Variants in LIN9 observed in about 807,000 individuals in gnomAD.
LIN9 encodes the protein lin-9 DREAM MuvB core complex component.
In LIN9, 18 loss-of-function variants were observed where a neutral mutation model predicts 78.0. The observed-to-expected ratio is 0.23, with a 90% CI of 0.16 to 0.34. The LOEUF (loss-of-function observed/expected upper bound fraction) is 0.34. Among genes scored for constraint, LIN9 ranks in the 10% least tolerant of loss-of-function variants. LIN9 has a pLI of 1.00. For synonymous variants in LIN9, 192 were observed against 215.2 expected (o/e 0.89, Z 0.94); for missense variants, 451 against 644.1 (o/e 0.70, Z 3.25).
chr1:226,266,389 T>C (rs1659908499), intron 8 of LIN9, 57 bp from the exon 9 acceptor site: 4 of 1,462,348 alleles, frequency 2.7e-6, no homozygotes, highest in South Asian at 1.3e-5. Context: ...ATTTAAGCTT[T>C]ATAATCATTG....
In LIN9 at chr1:226,264,165, G is replaced by A. The variant is rs546502850; in HGVS notation, c.1038+1368C>T. On this transcript the variant is annotated intron_variant, in intron 10 of 14. Coordinates refer to ENST00000681046, the MANE Select transcript of LIN9 (RefSeq NM_001366245.2). ...TGGGAGGCCGAGGGCGATCATGTGA[G>A]GTCAGGAGTTTGAGACCAGCCTGGC... 4.0e-5 allele frequency among the ~76,000 whole-genome samples: 6 copies of A among 151,822 alleles called. 1 individual carries two copies. The South Asian group carries it at 1.0e-3, about 26-fold the overall frequency.
intron 4 of LIN9, among the ~76,000 whole-genome samples, chr1:226,294,247 G>A (rs1168649790): frequency 6.8e-6 from 1 of 146,242 alleles, no homozygotes; most frequent in African/African-American, 2.6e-5. Flanking sequence ...GGCAGAGATT[G>A]CAGTGAGCCA....
At chr1:226,285,773 G>A (rs1189326894) in intron 6 of LIN9, among the ~76,000 whole-genome samples, 1 of 152,106 alleles carries the variant, frequency 6.6e-6, no homozygotes, top group Non-Finnish European at 1.5e-5. Context: ...GAAGGCTCCT[G>A]AGATTATAAA....
intron 4 of LIN9, among the ~76,000 whole-genome samples, chr1:226,294,933 G>A (rs1662046856): frequency 6.6e-6 from 1 of 151,678 alleles, no homozygotes; most frequent in Non-Finnish European, 1.5e-5. Context: ...TCAAGTAGCT[G>A]AGATTACAGG....
At chr1:226,262,382 C>T (rs1048026952) in intron 10 of LIN9, among the ~76,000 whole-genome samples, 2 of 151,980 alleles carry the variant, frequency 1.3e-5, no homozygotes, top group African/African-American at 4.8e-5. Context: ...AATATACATC[C>T]GATAAGGAAC....
intron 11 of LIN9, 108 bp from the exon 12 acceptor site, chr1:226,239,204 T>C (rs1657938882): frequency 1.8e-6 from 2 of 1,109,922 alleles, no homozygotes; most frequent in Admixed American, 4.8e-5. Flanking sequence ...CTAAAGGTTA[T>C]TAAATTTGTC....
At chr1:226,308,780 G>A (rs1409875423) in intron 1 of LIN9, 2 of 184,782 alleles carry the variant, frequency 1.1e-5, no homozygotes, top group Non-Finnish European at 2.2e-5. Context: ...GACAGCCCCC[G>A]CGCCCAGGGG....
Position 226,233,428 on chromosome 1 carries a change from A to G in LIN9, c.1341T>C (p.Asn447=). The G allele has an allele frequency of 1.2e-6, 2 of 1,614,136 alleles. No individual in the cohort carries two copies. Among genetic ancestry groups the G allele is most frequent in the South Asian group, 2.2e-5 (2 of 91,076 alleles). The change falls in exon 13 of 15, where the codon AAT becomes AAC. Residue 447 remains asparagine (N), a synonymous_variant. Transcript: ENST00000681046. ...EEAQEIVRHA[N]SSTGQPCVEN... ...CAACGCAGGGCTGTCCTGTTGAGGAATTTGCATGCCGAACAATTTCCTGTG... is the reference window on the plus strand; with the variant it reads ...CAACGCAGGGCTGTCCTGTTGAGGAGTTTGCATGCCGAACAATTTCCTGTG...
intron 1 of LIN9, 21 bp downstream of exon 1, chr1:226,309,088 G>A (rs755018747): frequency 1.4e-5 from 19 of 1,310,952 alleles, no homozygotes; most frequent in African/African-American, 1.5e-5. Context: ...AAAGGGGGGG[G>A]TGCTTTGAGG....
intron 4 of LIN9, 80 bp downstream of exon 4, chr1:226,295,762 G>A: frequency 1.2e-6 from 1 of 832,620 alleles, no homozygotes; most frequent in Non-Finnish European, 1.9e-6. Flanking sequence ...TACTCAAAAT[G>A]TAACAGAAAT....
chr1:226,239,532 G>C (rs1456060588), intron 11 of LIN9, among the ~76,000 whole-genome samples: 2 of 152,178 alleles, frequency 1.3e-5, no homozygotes, highest in African/African-American at 2.4e-5. Flanking sequence ...GTGGGTATTA[G>C]AATCAGATTA....
At chr1:226,261,397 G>GA (rs1024747140) in intron 10 of LIN9, among the ~76,000 whole-genome samples, 235 of 137,402 alleles carry the variant, frequency 1.7e-3, no homozygotes, top group Middle Eastern at 3.7e-3. Flanking sequence ...AAAGAAATGA[G>GA]AAAAAAAAAA....
chr1:226,279,015 G>A (rs1660863387), intron 6 of LIN9, among the ~76,000 whole-genome samples: 1 of 151,218 alleles, frequency 6.6e-6, no homozygotes, highest in South Asian at 2.1e-4. Flanking sequence ...CAAAAAATTA[G>A]CAGGGCATGG....
chr1:226,308,983 G>T, intron 1 of LIN9, 126 bp downstream of exon 1: 1 of 927,240 alleles, frequency 1.1e-6, no homozygotes, highest in Non-Finnish European at 1.4e-6. Context: ...AGGACTAGGG[G>T]ACCACAGTGG....
chr1:226,286,493 A>G, intron 5 of LIN9, 35 bp from the exon 6 acceptor site: 1 of 1,467,516 alleles, frequency 6.8e-7, no homozygotes, highest in Non-Finnish European at 9.2e-7. Context: ...ATGGTTACAT[A>G]CAATGTGTTA....
intron 12 of LIN9, among the ~76,000 whole-genome samples, chr1:226,234,270 T>C (rs746009887): frequency 1.3e-5 from 2 of 152,254 alleles, no homozygotes; most frequent in Non-Finnish European, 2.9e-5. Context: ...TTGATGATTC[T>C]TGTCTATATC....
chr1:226,249,657 T>G (rs1212715405), intron 11 of LIN9, among the ~76,000 whole-genome samples: 1 of 152,188 alleles, frequency 6.6e-6, no homozygotes, highest in African/African-American at 2.4e-5. Flanking sequence ...TTCCCATTCC[T>G]GCACTTACAA....
intron 7 of LIN9, among the ~76,000 whole-genome samples, chr1:226,275,491 C>T (rs555355939): frequency 2.1e-3 from 320 of 149,700 alleles, no homozygotes; most frequent in Non-Finnish European, 2.7e-3. Context: ...GTCAGGAGTT[C>T]GAGACCAGCC....
chr1:226,306,697 T>C (rs756107289), intron 1 of LIN9, among the ~76,000 whole-genome samples: 1 of 152,236 alleles, frequency 6.6e-6, no homozygotes, highest in Non-Finnish European at 1.5e-5. Context: ...GCTTTCATTA[T>C]TGATAATGTT....
Sources: allele counts gnomAD v4.1 joint callset (sites outside exome capture counted in the v4.1 genomes callset), GRCh38; gene constraint gnomAD v4.1.1; transcripts MANE v1.5; gene names NCBI Gene and HGNC (gene_info 2026-07-23, HGNC 2026-07-21).